DCC: variants seen among roughly 807,000 people sequenced by gnomAD.
DCC encodes DCC netrin 1 receptor, also known as netrin receptor DCC.
A neutral mutation model predicts 172.5 loss-of-function variants in DCC; 58 were observed. The observed-to-expected ratio is 0.34, with a 90% confidence interval of 0.27 to 0.42. The LOEUF is 0.42. DCC is among the 10% of genes least tolerant of loss of function. The pLI is 1.00. For synonymous variants in DCC, 709 were observed against 644.5 expected (o/e 1.10, Z -1.52); for missense variants, 1,740 against 1,791.0 (o/e 0.97, Z 0.51).
intron 22 of DCC, among the ~76,000 whole-genome samples, chr18:53,441,490 G>A (rs935798955): frequency 2.6e-5 from 4 of 151,982 alleles, no homozygotes; most frequent in East Asian, 3.9e-4. Context: ...CCACCCCGAC[G>A]TATTCAAGAC....
At chr18:53,031,348 G>A (rs2042023080) in intron 5 of DCC, among the ~76,000 whole-genome samples, 1 of 152,248 alleles carries the variant, frequency 6.6e-6, no homozygotes. Flanking sequence ...TTGCAGTCTT[G>A]TTGCATTGTA....
At chr18:52,942,620 C>A (rs1274815788) in intron 5 of DCC, among the ~76,000 whole-genome samples, 1 of 152,154 alleles carries the variant, frequency 6.6e-6, no homozygotes, top group African/African-American at 2.4e-5. Flanking sequence ...AAGAGAGATG[C>A]AAAAGCACAA....
At chr18:53,427,494 C>T (rs1400941844) in intron 21 of DCC, among the ~76,000 whole-genome samples, 2 of 151,854 alleles carry the variant, frequency 1.3e-5, no homozygotes, top group African/African-American at 2.4e-5. Flanking sequence ...ACATATTGGG[C>T]TTTAGCTGTG....
intron 1 of DCC, among the ~76,000 whole-genome samples, chr18:52,592,007 A>G (rs2033812215): frequency 6.6e-6 from 1 of 152,082 alleles, no homozygotes; most frequent in Non-Finnish European, 1.5e-5. Flanking sequence ...ATGAATTGGT[A>G]ATAGTCTTAT....
intron 2 of DCC, among the ~76,000 whole-genome samples, chr18:52,757,847 A>G (rs1183441105): frequency 6.6e-6 from 1 of 152,108 alleles, no homozygotes; most frequent in Non-Finnish European, 1.5e-5. Flanking sequence ...GGAAAAAGCT[A>G]AGAGCTCTAT....
intron 12 of DCC, among the ~76,000 whole-genome samples, chr18:53,281,113 T>A (rs2056866107): frequency 6.6e-6 from 1 of 152,110 alleles, no homozygotes; most frequent in African/African-American, 2.4e-5. Context: ...AAAAGATCTG[T>A]TTTTTAAATG....
At chr18:52,908,461 C>A (rs952651097) in intron 3 of DCC, among the ~76,000 whole-genome samples, 2 of 152,166 alleles carry the variant, frequency 1.3e-5, no homozygotes, top group Non-Finnish European at 2.9e-5. Flanking sequence ...ATTAATAATG[C>A]ATCTGTTGAG....
intron 13 of DCC, among the ~76,000 whole-genome samples, chr18:53,310,354 G>T: frequency 6.6e-6 from 1 of 152,044 alleles, no homozygotes; most frequent in East Asian, 1.9e-4. Flanking sequence ...TGGATTTATT[G>T]ATTTGGCTGT....
In DCC at chr18:53,149,129, G is replaced by A. The variant is rs540214750; in HGVS notation, c.1262-8227G>A. On this transcript the variant is annotated intron_variant, in intron 7 of 28. Transcript: ENST00000442544. ...ACCCGCCTCGGCCTCCCAAACTGCT[G>A]GGATTACAGGCATGAGCCACCACGC... Among the ~76,000 whole-genome samples the A allele has an allele frequency of 7.9e-5, 12 of 152,050 alleles. No individual in the cohort carries two copies. The South Asian group carries it at 2.3e-3, about 29-fold the overall frequency.
intron 1 of DCC, among the ~76,000 whole-genome samples, chr18:52,555,211 G>A (rs1460266769): frequency 6.6e-6 from 1 of 152,040 alleles, no homozygotes; most frequent in Non-Finnish European, 1.5e-5. Flanking sequence ...GAGCAGTGTA[G>A]GTATTTTAGA....
chr18:52,845,935 C>T lies in DCC; in HGVS notation c.413-60109C>T, dbSNP rs886223623. Among the ~76,000 whole-genome samples, 14 of 152,270 alleles carry T rather than the reference C, an allele frequency of 9.2e-5. No homozygotes were observed. The East Asian group carries it at 2.7e-3, about 29-fold the overall frequency. On this transcript the variant is annotated intron_variant, in intron 2 of 28. Transcript: ENST00000442544. ...AGTTTGTTGTTTCTGATTGATTATACTTAAGTTTCCTTTTACTGTGTACAT... is the reference window on the plus strand; with the variant it reads ...AGTTTGTTGTTTCTGATTGATTATATTTAAGTTTCCTTTTACTGTGTACAT...
At chr18:52,834,417 G>A (rs1461890933) in intron 2 of DCC, among the ~76,000 whole-genome samples, 1 of 152,150 alleles carries the variant, frequency 6.6e-6, no homozygotes, top group African/African-American at 2.4e-5. Context: ...AGGGACTCTG[G>A]GATGGGACTC....
chr18:53,122,574 C>T (rs894301227), intron 7 of DCC, among the ~76,000 whole-genome samples: 1 of 151,916 alleles, frequency 6.6e-6, no homozygotes, highest in African/African-American at 2.4e-5. Flanking sequence ...AAAACTTTAT[C>T]TTGGAAAACA....
chr18:52,372,336 C>G (rs1358575283), intron 1 of DCC, among the ~76,000 whole-genome samples: 1 of 152,156 alleles, frequency 6.6e-6, no homozygotes, highest in East Asian at 1.9e-4. Flanking sequence ...TTTATTCTCT[C>G]TTGCAAAAAC....
At chr18:53,068,343 A>G (rs191098644) in intron 7 of DCC, among the ~76,000 whole-genome samples, 1 of 152,036 alleles carries the variant, frequency 6.6e-6, no homozygotes, top group Admixed American at 6.6e-5. Context: ...TACATGTGCC[A>G]TGCTGGTGTG....
chr18:52,815,947 A>G (rs1183774597), intron 2 of DCC, among the ~76,000 whole-genome samples: 1 of 152,214 alleles, frequency 6.6e-6, no homozygotes, highest in Non-Finnish European at 1.5e-5. Flanking sequence ...TTATTAGGCT[A>G]CAGATAGTGA....
At chr18:53,133,655 T>C (rs1255607210) in intron 7 of DCC, among the ~76,000 whole-genome samples, 1 of 152,174 alleles carries the variant, frequency 6.6e-6, no homozygotes, top group Non-Finnish European at 1.5e-5. Flanking sequence ...AAACTATTAG[T>C]GGTACATTAG....
chr18:52,396,630 A>G (rs555469571), intron 1 of DCC, among the ~76,000 whole-genome samples: 1 of 152,202 alleles, frequency 6.6e-6, no homozygotes, highest in East Asian at 1.9e-4. Flanking sequence ...CACTGGGATT[A>G]ACATTTAATC....
intron 1 of DCC, among the ~76,000 whole-genome samples, chr18:52,572,514 G>C (rs573930545): frequency 6.6e-6 from 1 of 152,302 alleles, no homozygotes; most frequent in Non-Finnish European, 1.5e-5. Context: ...AGACTCCGGG[G>C]ACATAGTGTG....
Sources: gnomAD v4.1 joint callset for allele counts (sites outside exome capture counted in the v4.1 genomes callset) on GRCh38, gnomAD v4.1.1 for gene constraint, MANE v1.5 for transcripts, NCBI Gene and HGNC (gene_info 2026-07-23, HGNC 2026-07-21) for gene names.